ABTB2: variants seen among roughly 807,000 people sequenced by gnomAD.
ABTB2 encodes the protein ankyrin repeat and BTB domain containing 2, also known as ankyrin repeat and BTB/POZ domain-containing protein 2.
A neutral mutation model predicts 104.1 loss-of-function variants in ABTB2; 56 were observed. That is an observed-to-expected ratio of 0.54 (90% CI 0.43 to 0.67). The LOEUF (loss-of-function observed/expected upper bound fraction) is 0.67. Ranked by LOEUF, ABTB2 falls within the 30% of genes least tolerant of loss-of-function variation. The pLI is 0.00. For synonymous variants in ABTB2, 606 were observed against 608.2 expected (o/e 1.00, Z 0.05); for missense variants, 1,279 against 1,407.7 (o/e 0.91, Z 1.46).
In ABTB2 at chr11:34,152,587, G is replaced by C; in HGVS notation, c.2881-3C>G. 1 of 1,587,174 alleles carries C rather than the reference G, an allele frequency of 6.3e-7. No homozygotes were observed. Among genetic ancestry groups the C allele is most frequent in the Non-Finnish European group, 8.6e-7 (1 of 1,157,670 alleles). ...GCCAGTTCTGGGGCATTGTGGATCT[G>C]TAGGGCAGAGAGAGGAGGGGTGAAG... On this transcript the variant is annotated splice_region_variant and splice_polypyrimidine_tract_variant and intron_variant, in intron 16 of 16. Coordinates refer to ENST00000435224, the MANE Select transcript of ABTB2 (RefSeq NM_145804.3).
intron 1 of ABTB2, among the ~76,000 whole-genome samples, chr11:34,328,374 C>A (rs1590258148): frequency 6.6e-6 from 1 of 152,208 alleles, no homozygotes. Flanking sequence ...CTGGAGGGAG[C>A]CTGGTGTGAG....
At chr11:34,274,987 T>C (rs139510891) in intron 1 of ABTB2, among the ~76,000 whole-genome samples, 158 of 152,250 alleles carry the variant, frequency 1.0e-3, no homozygotes, top group Admixed American at 2.2e-3. Context: ...GGGGCCTGAA[T>C]CCTGGCCTCT....
intron 2 of ABTB2, among the ~76,000 whole-genome samples, chr11:34,202,146 G>A (rs1368440454): frequency 6.6e-6 from 1 of 152,228 alleles, no homozygotes; most frequent in Admixed American, 6.5e-5. Context: ...TATAATACAT[G>A]TCAAGTGGTG....
At position 34,336,670 on chromosome 11, in the gene ABTB2, A is replaced by AAAC. The variant is rs1421391971; in HGVS notation, c.883+20030_883+20031insGTT. The stretch of plus-strand genomic sequence containing the variant: ...AAAAAAACAAAACAAACAAACAAAC[A>AAAC]AAAAAAAGCAGCTTACCTGCAGTTA... On this transcript the variant is annotated intron_variant, in intron 1 of 16. Coordinates refer to ENST00000435224, the MANE Select transcript of ABTB2 (RefSeq NM_145804.3). Among the ~76,000 whole-genome samples the AAAC allele has an allele frequency of 6.6e-5, 10 of 151,774 alleles. 1 individual carries two copies. Among genetic ancestry groups the AAAC allele is most frequent in the African/African-American group, 2.4e-4 (10 of 41,376 alleles).
At chr11:34,227,047 CTG>C (rs1853696531) in intron 1 of ABTB2, among the ~76,000 whole-genome samples, 1 of 151,874 alleles carries the variant, frequency 6.6e-6, no homozygotes, top group Admixed American at 6.6e-5. Flanking sequence ...GAAAAAGACT[CTG>C]TCTCCAAAAT....
rs906686017 is a variant in ABTB2 at position 34,151,388 on chromosome 11, C to T, written c.*999G>A. 6.6e-6 allele frequency: 1 copy of T among 152,270 alleles called. No individual in the cohort carries two copies. The highest frequency in any genetic ancestry group is 6.5e-5 in the Admixed American group (1 of 15,282). 9.4% of individuals were successfully genotyped at this position (152,270 alleles called of 1,614,324 possible). A position where few individuals can be genotyped will look rare whatever the true frequency, so the allele number is the denominator to read the frequency against. ...GGGACACAGCAGAAAGGCCTCTTCT[C>T]CTGGCCCTTACCTTCCATCAATGCC... is the stretch of plus-strand genomic sequence containing the variant. On this transcript the variant is annotated 3_prime_UTR_variant, in exon 17 of 17. Coordinates refer to ENST00000435224, the MANE Select transcript of ABTB2 (RefSeq NM_145804.3).
chr11:34,215,610 C>T (rs769796853), intron 1 of ABTB2, among the ~76,000 whole-genome samples: 10 of 152,174 alleles, frequency 6.6e-5, no homozygotes, highest in Non-Finnish European at 1.2e-4. Context: ...CCCAGCTCTG[C>T]CACTTACTAG....
chr11:34,246,272 A>ACTT, intron 1 of ABTB2, among the ~76,000 whole-genome samples: 1 of 152,172 alleles, frequency 6.6e-6, no homozygotes, highest in Non-Finnish European at 1.5e-5. Flanking sequence ...TCTTATCCAA[A>ACTT]CTTCGATACA....
chr11:34,351,722 G>A (rs1855400752), intron 1 of ABTB2, among the ~76,000 whole-genome samples: 1 of 152,172 alleles, frequency 6.6e-6, no homozygotes, highest in Non-Finnish European at 1.5e-5. Context: ...AGGGAAGACA[G>A]CAATGCCTAT....
intron 3 of ABTB2, among the ~76,000 whole-genome samples, chr11:34,192,713 G>C (rs1051263665): frequency 2.6e-5 from 4 of 152,186 alleles, no homozygotes; most frequent in African/African-American, 7.2e-5. Flanking sequence ...CACTCTCTCT[G>C]CCTGGCCACT....
At chr11:34,236,052 C>T (rs146063940) in intron 1 of ABTB2, among the ~76,000 whole-genome samples, 111 of 152,172 alleles carry the variant, frequency 7.3e-4, no homozygotes, top group African/African-American at 1.6e-3. Context: ...TCGTGGACAT[C>T]GGGTGCAGGC....
chr11:34,344,328 T>C (rs1446370991), intron 1 of ABTB2, among the ~76,000 whole-genome samples: 1 of 152,242 alleles, frequency 6.6e-6, no homozygotes, highest in Non-Finnish European at 1.5e-5. Flanking sequence ...CAGGGGCTTT[T>C]ATGGCCATCA....
rs372366808 is a variant in ABTB2 at position 34,273,918 on chromosome 11, C to T, written c.884-69228G>A. 5.3e-5 allele frequency among the ~76,000 whole-genome samples: 8 copies of T among 151,200 alleles called. No homozygotes were observed. In the East Asian group the frequency reaches 5.8e-4, roughly 11 times the overall value. ...CTGTAATCCCAGCACTTTGGGAGGCCGAGGCGGGTGGATCATGAGGTCAGG... is the reference window on the plus strand; with the variant it reads ...CTGTAATCCCAGCACTTTGGGAGGCTGAGGCGGGTGGATCATGAGGTCAGG... On this transcript the variant is annotated intron_variant, in intron 1 of 16. Transcript: ENST00000435224.
intron 12 of ABTB2, 21 bp from the exon 13 acceptor site, chr11:34,160,029 G>A (rs753341667): frequency 6.3e-7 from 1 of 1,591,326 alleles, no homozygotes; most frequent in Non-Finnish European, 8.6e-7. Flanking sequence ...CGGGGAGACA[G>A]AGGGATATGG....
At chr11:34,187,718 T>C (rs374426968) in intron 3 of ABTB2, among the ~76,000 whole-genome samples, 9 of 152,164 alleles carry the variant, frequency 5.9e-5, no homozygotes, top group African/African-American at 1.9e-4. Flanking sequence ...TGTCTTGAAC[T>C]CCTAAAGTGA....
chr11:34,215,351 C>T (rs1404181373), intron 1 of ABTB2, among the ~76,000 whole-genome samples: 3 of 152,190 alleles, frequency 2.0e-5, no homozygotes, highest in Non-Finnish European at 4.4e-5. Context: ...AGGGCACAAA[C>T]ACAAGTCTCT....
chr11:34,154,832 C>T lies in ABTB2; in HGVS notation c.2698-63G>A. ...CCTGAGGCATGAAAGTCCTTGCCAG[C>T]CCCACAGGGTACTGCTCCAGCTGCC... On this transcript the variant is annotated intron_variant, in intron 14 of 16. Coordinates refer to ENST00000435224, the MANE Select transcript of ABTB2 (RefSeq NM_145804.3). This position sits in a 1 kb window ranked among gnomAD's most constrained non-coding sequence, Gnocchi z 4.9. 1 of 1,561,206 alleles carries T rather than the reference C, an allele frequency of 6.4e-7. No homozygotes were observed. The highest frequency in any genetic ancestry group is 1.7e-5 in the Admixed American group (1 of 59,606).
At chr11:34,308,088 T>C (rs1251153388) in intron 1 of ABTB2, among the ~76,000 whole-genome samples, 1 of 152,210 alleles carries the variant, frequency 6.6e-6, no homozygotes, top group Admixed American at 6.5e-5. Flanking sequence ...TCTCTGTGTC[T>C]GGGCCTCCTC....
intron 1 of ABTB2, among the ~76,000 whole-genome samples, chr11:34,273,049 C>T (rs1450265637): frequency 1.3e-5 from 2 of 152,008 alleles, no homozygotes; most frequent in Non-Finnish European, 2.9e-5. Flanking sequence ...GTACTTAAAC[C>T]GTCCTGACAT....
Sources: allele counts gnomAD v4.1 joint callset (sites outside exome capture counted in the v4.1 genomes callset), GRCh38; gene constraint gnomAD v4.1.1; non-coding constraint Gnocchi (gnomAD v3.1); transcripts MANE v1.5; gene names NCBI Gene and HGNC (gene_info 2026-07-23, HGNC 2026-07-21).